Variants in CSMD1 observed in about 807,000 individuals in gnomAD.
CSMD1 encodes CUB and Sushi multiple domains 1.
Under a neutral mutation model 417.5 loss-of-function variants are expected in CSMD1, and 213 were observed. The observed-to-expected ratio is 0.51, with a 90% confidence interval of 0.46 to 0.57. The LOEUF is 0.57. Ranked by LOEUF, CSMD1 falls within the 20% of genes least tolerant of loss-of-function variation. CSMD1 has a pLI of 0.00. For missense variants in CSMD1, 6,923 were observed against 4,529.7 expected, an observed-to-expected ratio of 1.53 and a Z score of -15.17; for synonymous variants, 2,862 against 1,736.8, an observed-to-expected ratio of 1.65 and a Z score of -16.11.
intron 10 of CSMD1, among the ~76,000 whole-genome samples, chr8:3,557,224 T>C (rs1329831341): frequency 2.0e-5 from 3 of 152,218 alleles, no homozygotes; most frequent in Non-Finnish European, 2.9e-5. Flanking sequence ...TACAACATAT[T>C]TGGCCATTTT....
At chr8:3,555,714 T>C (rs980753570) in intron 10 of CSMD1, among the ~76,000 whole-genome samples, 6 of 152,222 alleles carry the variant, frequency 3.9e-5, no homozygotes, top group Non-Finnish European at 5.9e-5. Context: ...GTGTCTATCA[T>C]ATTTGAGTTT....
chr8:4,649,875 C>A (rs987553779), intron 1 of CSMD1, among the ~76,000 whole-genome samples: 1 of 152,092 alleles, frequency 6.6e-6, no homozygotes, highest in African/African-American at 2.4e-5. Context: ...TTTGGAATTT[C>A]AATAATATTT....
intron 3 of CSMD1, among the ~76,000 whole-genome samples, chr8:4,419,166 C>T (rs1725133): frequency 0.016 from 2,511 of 152,242 alleles, 77 homozygotes; most frequent in African/African-American, 0.057. Flanking sequence ...AATTGGTTTA[C>T]ACCCCTAACG....
chr8:4,949,151 T>A (rs559177007), intron 1 of CSMD1, among the ~76,000 whole-genome samples: 37 of 152,280 alleles, frequency 2.4e-4, no homozygotes, highest in African/African-American at 7.9e-4. Flanking sequence ...GCCTTTGTAT[T>A]CTTAGGATAA....
intron 36 of CSMD1, among the ~76,000 whole-genome samples, chr8:3,182,492 G>T (rs1821398289): frequency 6.6e-6 from 1 of 152,062 alleles, no homozygotes; most frequent in Admixed American, 6.6e-5. Flanking sequence ...TGGGATTACA[G>T]GTGTGAGCCA....
chr8:4,466,319 G>A (rs959706019), intron 2 of CSMD1, among the ~76,000 whole-genome samples: 22 of 152,164 alleles, frequency 1.4e-4, no homozygotes, highest in Non-Finnish European at 2.9e-5. Flanking sequence ...ACAGAAGAGG[G>A]AAGAAAGAAA....
chr8:4,118,769 T>C (rs1336910656), intron 3 of CSMD1, among the ~76,000 whole-genome samples: 3 of 152,180 alleles, frequency 2.0e-5, no homozygotes, highest in Non-Finnish European at 2.9e-5. Flanking sequence ...TATGAATCGT[T>C]CTACTATAAA....
rs186438266 is a variant in CSMD1, at chr8:3,288,046, A to G, written c.3951-3700T>C. On this transcript the variant is annotated intron_variant, in intron 25 of 69. Coordinates refer to ENST00000635120, the MANE Select transcript of CSMD1 (RefSeq NM_033225.6). ...GAATTTTGTCAAAGGCCTTTTCTGCATCTATTGAGATAATCATGTGGTTTT... is the reference window on the plus strand; with the variant it reads ...GAATTTTGTCAAAGGCCTTTTCTGCGTCTATTGAGATAATCATGTGGTTTT... Among the ~76,000 whole-genome samples the G allele has an allele frequency of 4.7e-3, 696 of 147,580 alleles. 103 individuals carry two copies. Among genetic ancestry groups the G allele is most frequent in the African/African-American group, 0.018 (661 of 37,278 alleles).
At chr8:4,574,102 G>A (rs1010020934) in intron 2 of CSMD1, among the ~76,000 whole-genome samples, 9 of 152,078 alleles carry the variant, frequency 5.9e-5, no homozygotes, top group African/African-American at 2.2e-4. Flanking sequence ...TTGGCTCCCT[G>A]GCTTCAGCCC....
intron 2 of CSMD1, among the ~76,000 whole-genome samples, chr8:4,449,646 G>T (rs1224664829): frequency 6.6e-6 from 1 of 152,152 alleles, no homozygotes. Flanking sequence ...AATCCACATA[G>T]ATCATGAACA....
intron 3 of CSMD1, among the ~76,000 whole-genome samples, chr8:4,252,519 A>C (rs528414860): frequency 6.6e-6 from 1 of 152,326 alleles, no homozygotes; most frequent in African/African-American, 2.4e-5. Flanking sequence ...CTGTTTCCTC[A>C]AACACCATAA....
chr8:4,208,578 T>C (rs892480984), intron 3 of CSMD1, among the ~76,000 whole-genome samples: 4 of 152,200 alleles, frequency 2.6e-5, no homozygotes, highest in Non-Finnish European at 5.9e-5. Context: ...TTCTATTTTC[T>C]TTTTCCTACT....
intron 5 of CSMD1, among the ~76,000 whole-genome samples, chr8:3,939,488 G>A (rs1183023001): frequency 6.6e-6 from 1 of 152,126 alleles, no homozygotes; most frequent in Non-Finnish European, 1.5e-5. Flanking sequence ...ACTACCATGT[G>A]ATTCAGCAAT....
intron 49 of CSMD1, among the ~76,000 whole-genome samples, chr8:3,066,486 AATGAACTGACGAC>A (rs1812944504): frequency 6.6e-6 from 1 of 152,186 alleles, no homozygotes. Flanking sequence ...ATGCAGGTAA[AATGAACTGACGAC>A]ATGTATTTTG....
chr8:4,101,738 G>A lies in CSMD1; in HGVS notation c.416-69639C>T, dbSNP rs181873963. Among the ~76,000 whole-genome samples the A allele has an allele frequency of 2.0e-3, 312 of 152,314 alleles. 8 individuals are homozygous for A. Among genetic ancestry groups the A allele is most frequent in the Non-Finnish European group, 2.2e-4 (15 of 68,026 alleles). ...ATTCCAGAGGAGAAAAGCAAACTGG[G>A]CCAATGATAAGTGAAAGCTTTTGCT... On this transcript the variant is annotated intron_variant, in intron 3 of 69. Coordinates refer to ENST00000635120, the MANE Select transcript of CSMD1 (RefSeq NM_033225.6).
At chr8:2,949,185 C>G in intron 68 of CSMD1, 114 bp downstream of exon 68, 1 of 619,068 alleles carries the variant, frequency 1.6e-6, no homozygotes, top group East Asian at 2.9e-5. Context: ...GTTAGTCTCT[C>G]TCATTATTTT....
intron 3 of CSMD1, among the ~76,000 whole-genome samples, chr8:4,056,437 T>G (rs1484015801): frequency 6.6e-6 from 1 of 151,810 alleles, no homozygotes; most frequent in African/African-American, 2.4e-5. Flanking sequence ...CAAACTAACA[T>G]TAAAATTTAT....
At chr8:3,808,424 A>G (rs1800870677) in intron 5 of CSMD1, among the ~76,000 whole-genome samples, 1 of 152,136 alleles carries the variant, frequency 6.6e-6, no homozygotes, top group African/African-American at 2.4e-5. Context: ...ACTCAACCAA[A>G]ACTCATTGGA....
chr8:4,272,006 C>G (rs1460724343), intron 3 of CSMD1, among the ~76,000 whole-genome samples: 1 of 152,144 alleles, frequency 6.6e-6, no homozygotes, highest in Non-Finnish European at 1.5e-5. Flanking sequence ...CCCGTGAATA[C>G]TCTATTTTCC....
Sources: gnomAD v4.1 joint callset for allele counts (sites outside exome capture counted in the v4.1 genomes callset) on GRCh38, gnomAD v4.1.1 for gene constraint, MANE v1.5 for transcripts, NCBI Gene and HGNC (gene_info 2026-07-23, HGNC 2026-07-21) for gene names.